The following ALPK2 variants were observed in gnomAD, a reference collection of about 807,000 sequenced individuals.
ALPK2 encodes the protein alpha kinase 2.
A neutral mutation model predicts 163.1 loss-of-function variants in ALPK2; 127 were observed. That is an observed-to-expected ratio of 0.78 (90% CI 0.67 to 0.90). The LOEUF is 0.90. Ranked by LOEUF, ALPK2 falls within the 40% of genes least tolerant of loss-of-function variation. The probability of loss-of-function intolerance (pLI) is 0.00; values close to 1 mark genes in which losing one functional copy is unlikely to be tolerated. For missense variants in ALPK2, 2,360 were observed against 2,589.6 expected (o/e 0.91, Z 1.92); for synonymous variants, 953 against 959.1 (o/e 0.99, Z 0.12).
chr18:58,524,005 C>T lies in ALPK2; in HGVS notation c.5559G>A (p.Gln1853=). 4 of 1,614,170 alleles carry T rather than the reference C, an allele frequency of 2.5e-6. No homozygotes were observed. In the South Asian group the frequency reaches 4.4e-5, roughly 18 times the overall value. Residue 1853 remains glutamine (Q), a synonymous_variant, in exon 7 of 13, where the codon CAG becomes CAA. Transcript: ENST00000361673. ...FAIVQASPKD[Q]GLYYCCIKNS... is the part of the protein sequence containing the mutation. ...TCTTGATGCAGCAGTAATAGAGTCC[C>T]TGGTCCTTCGGACTGGCTTGCACGA...
intron 4 of ALPK2, among the ~76,000 whole-genome samples, chr18:58,554,804 T>G (rs1033951304): frequency 1.3e-5 from 2 of 152,148 alleles, no homozygotes; most frequent in African/African-American, 4.8e-5. Context: ...TATCTTGAAT[T>G]GTAGCTCCCA....
Position 58,536,488 on chromosome 18 carries a change from G to T in ALPK2, c.3699C>A (p.Gly1233=), listed in dbSNP as rs563351812. 3 of 1,613,914 alleles carry T rather than the reference G, an allele frequency of 1.9e-6. No homozygotes were observed. Among genetic ancestry groups the T allele is most frequent in the South Asian group, 2.2e-5 (2 of 91,076 alleles). Residue 1233 remains glycine (G), a synonymous_variant, in exon 5 of 13, where the codon GGC becomes GGA. Coordinates refer to ENST00000361673, the MANE Select transcript of ALPK2 (RefSeq NM_052947.4). The part of the protein sequence containing the change: ...KEYRPGNWEA[G]NKLKIITLEA... ...CTAGAGTTATAATCTTCAGCTTGTT[G>T]CCTGCCTCCCAATTTCCAGGTCTAT... is the stretch of plus-strand genomic sequence containing the variant.
intron 2 of ALPK2, among the ~76,000 whole-genome samples, chr18:58,609,757 T>C (rs1271874163): frequency 2.0e-5 from 3 of 152,204 alleles, no homozygotes; most frequent in Non-Finnish European, 4.4e-5. Context: ...TGGAACCTAC[T>C]GTGGGTCATA....
At chr18:58,576,033 T>C (rs1234669143) in intron 4 of ALPK2, among the ~76,000 whole-genome samples, 2 of 152,198 alleles carry the variant, frequency 1.3e-5, no homozygotes, top group Non-Finnish European at 2.9e-5. Context: ...GGTCACTGTT[T>C]CTGCAAAAAG....
chr18:58,611,575 A>G (rs1175731907), intron 2 of ALPK2, 114 bp downstream of exon 2: 1 of 946,016 alleles, frequency 1.1e-6, no homozygotes, highest in Non-Finnish European at 1.7e-6. Context: ...ACACAGAAAA[A>G]AAAACTTCCA....
intron 3 of ALPK2, among the ~76,000 whole-genome samples, chr18:58,581,675 G>A (rs746385768): frequency 2.0e-5 from 3 of 152,162 alleles, no homozygotes; most frequent in Non-Finnish European, 4.4e-5. Context: ...CCTGTGTTTT[G>A]TATGTTGCAC....
intron 3 of ALPK2, among the ~76,000 whole-genome samples, chr18:58,585,134 C>T (rs921077552): frequency 2.0e-5 from 3 of 152,140 alleles, no homozygotes; most frequent in Admixed American, 2.0e-4. Flanking sequence ...TTTGAACCCC[C>T]AGAAGTGGTC....
At position 58,537,636 on chromosome 18, in the gene ALPK2, C is replaced by G. The variant is rs1348503783; in HGVS notation, c.2551G>C (p.Asp851His). Residue 851 changes from aspartate (D) to histidine (H), a missense_variant, in exon 5 of 13, where the codon GAT becomes CAT. By Grantham distance (81) the Asp-to-His change is moderately conservative. Transcript: ENST00000361673. ...GTCTTGTCATTAGAAGAACATAAAT[C>G]AGATACTTTGTTTTGACCTTCTGCC... The part of the protein sequence containing the change: ...ELAEGQNKVS[D>H]LCSSNDKTLE... 4 of 1,613,510 alleles carry G rather than the reference C, an allele frequency of 2.5e-6. No homozygotes were observed. In the East Asian group the frequency reaches 6.7e-5, roughly 27 times the overall value.
intron 8 of ALPK2, among the ~76,000 whole-genome samples, chr18:58,522,851 A>G (rs1243884003): frequency 3.3e-5 from 5 of 152,102 alleles, no homozygotes; most frequent in African/African-American, 1.2e-4. Flanking sequence ...AACTTACAAT[A>G]GGAAGTATGG....
chr18:58,506,950 AC>A (rs1348293821), intron 10 of ALPK2, among the ~76,000 whole-genome samples: 8 of 152,164 alleles, frequency 5.3e-5, no homozygotes, highest in Non-Finnish European at 1.2e-4. Context: ...TGAACCACTG[AC>A]AGAGAATCTG....
At chr18:58,493,564 G>A (rs1305660355) in intron 12 of ALPK2, among the ~76,000 whole-genome samples, 1 of 152,132 alleles carries the variant, frequency 6.6e-6, no homozygotes, top group African/African-American at 2.4e-5. Flanking sequence ...TTGGCCGAGT[G>A]TGGGAGTCTA....
At chr18:58,585,572 T>C (rs2051981437) in intron 3 of ALPK2, among the ~76,000 whole-genome samples, 1 of 152,164 alleles carries the variant, frequency 6.6e-6, no homozygotes, top group South Asian at 2.1e-4. Context: ...TTCATCTGAT[T>C]GAAAATATTC....
rs1372091851 is a variant in ALPK2, at chr18:58,536,990, A to G, written c.3197T>C (p.Ile1066Thr). Residue 1066 changes from isoleucine to threonine, a missense_variant, in exon 5 of 13, where the codon ATC (isoleucine) becomes ACC (threonine). Transcript: ENST00000361673. ...GCAAAGTAGCTCTTTTGTAGATTTG[A>G]TGGTAGCACCACTTAAAATATGATC... The part of the protein sequence containing the change: ...QLDHILSGAT[I>T]KSTKELLCRA... The G allele has an allele frequency of 6.2e-7, 1 of 1,614,154 alleles. No individual in the cohort carries two copies. Among genetic ancestry groups the G allele is most frequent in the Non-Finnish European group, 8.5e-7 (1 of 1,180,014 alleles).
Position 58,516,950 on chromosome 18 carries a change from A to G in ALPK2, c.5898T>C (p.Asn1966=). 6.2e-7 allele frequency: 1 copy of G among 1,614,146 alleles called. No individual in the cohort carries two copies. The highest frequency in any genetic ancestry group is 8.5e-7 in the Non-Finnish European group (1 of 1,180,020). The change falls in exon 9 of 13, where the codon AAT becomes AAC. Residue 1966 remains asparagine, a synonymous_variant. Coordinates refer to ENST00000361673, the MANE Select transcript of ALPK2 (RefSeq NM_052947.4). ...VHNAIAYGTR[N]NDELIQRNYK... ...AGTTCCTTTGGATGAGCTCATCATT[A>G]TTTCTGGTCCCATAGGCAATGGCAT...
chr18:58,525,452 C>T (rs942709509), intron 6 of ALPK2, among the ~76,000 whole-genome samples: 5 of 151,112 alleles, frequency 3.3e-5, no homozygotes, highest in Admixed American at 2.8e-4. Context: ...AAGGGGAAGG[C>T]AAGGGCTACC....
intron 4 of ALPK2, among the ~76,000 whole-genome samples, chr18:58,567,437 T>C (rs2051861560): frequency 1.3e-5 from 2 of 152,216 alleles, no homozygotes; most frequent in South Asian, 4.2e-4. Context: ...TAGGGACCTA[T>C]GTTGTTTTTT....
chr18:58,587,769 T>C (rs1292644501), intron 3 of ALPK2, among the ~76,000 whole-genome samples: 2 of 151,962 alleles, frequency 1.3e-5, no homozygotes, highest in African/African-American at 4.8e-5. Flanking sequence ...TTACAATATA[T>C]ATATAATGAG....
intron 4 of ALPK2, among the ~76,000 whole-genome samples, chr18:58,548,263 A>G (rs2051729652): frequency 6.6e-6 from 1 of 151,906 alleles, no homozygotes; most frequent in Non-Finnish European, 1.5e-5. Flanking sequence ...TTTATATCCT[A>G]TATCTCTTCT....
At chr18:58,597,820 T>C (rs2052048475) in intron 3 of ALPK2, among the ~76,000 whole-genome samples, 1 of 152,182 alleles carries the variant, frequency 6.6e-6, no homozygotes, top group Non-Finnish European at 1.5e-5. Context: ...GGAGGTGATA[T>C]GGTTTAGATG....
Sources: gnomAD v4.1 joint callset for allele counts (sites outside exome capture counted in the v4.1 genomes callset) on GRCh38, gnomAD v4.1.1 for gene constraint, MANE v1.5 for transcripts, NCBI Gene and HGNC (gene_info 2026-07-23, HGNC 2026-07-21) for gene names.